UBE3C: variants seen among roughly 807,000 people sequenced by gnomAD.
UBE3C encodes ubiquitin protein ligase E3C, also known as ubiquitin-protein ligase E3C.
A neutral mutation model predicts 129.4 loss-of-function variants in UBE3C; 42 were observed. That is an observed-to-expected ratio of 0.32 (90% confidence interval 0.25 to 0.42). UBE3C has a LOEUF of 0.42. Ranked by LOEUF, UBE3C falls within the 10% of genes least tolerant of loss-of-function variation. UBE3C has a pLI of 1.00. For synonymous variants in UBE3C, 510 were observed against 492.4 expected (o/e 1.04, Z -0.47); for missense variants, 1,049 against 1,319.1 (o/e 0.80, Z 3.17).
intron 11 of UBE3C, among the ~76,000 whole-genome samples, chr7:157,204,932 C>T (rs1312762098): frequency 6.6e-6 from 1 of 152,174 alleles, no homozygotes; most frequent in Non-Finnish European, 1.5e-5. Context: ...AGGAGTGGTT[C>T]CCACAGGCAC....
chr7:157,178,706 AATG>A lies in UBE3C; in HGVS notation c.480_482del (p.Asp161del), dbSNP rs1293510740. 9 of 1,614,060 alleles carry A rather than the reference AATG, an allele frequency of 5.6e-6. No homozygotes were observed. The highest frequency in any genetic ancestry group is 1.1e-5 in the South Asian group (1 of 91,070). On this transcript the variant is annotated inframe_deletion, in exon 6 of 23. Coordinates refer to ENST00000348165, the MANE Select transcript of UBE3C (RefSeq NM_014671.3). ...TTTTTACAGGTTGCTGCAAAACTGTAATGATGACAGTTTGAATGTTGCACTTCC... is the reference window on the plus strand; with the variant it reads ...TTTTTACAGGTTGCTGCAAAACTGTAATGACAGTTTGAATGTTGCACTTCC...
chr7:157,259,489 A>C (rs1796841502), intron 22 of UBE3C, among the ~76,000 whole-genome samples: 1 of 152,224 alleles, frequency 6.6e-6, no homozygotes, highest in South Asian at 2.1e-4. Flanking sequence ...CCAAAAACGA[A>C]ATAATTCACA....
chr7:157,185,787 C>A (rs1808788091), intron 9 of UBE3C, among the ~76,000 whole-genome samples: 1 of 152,070 alleles, frequency 6.6e-6, no homozygotes, highest in Non-Finnish European at 1.5e-5. Flanking sequence ...CTTTCTCATT[C>A]TGATGTACTT....
chr7:157,162,127 GTA>G (rs1239632440), intron 1 of UBE3C, among the ~76,000 whole-genome samples: 1 of 152,102 alleles, frequency 6.6e-6, no homozygotes, highest in African/African-American at 2.4e-5. Context: ...ATGTATCAGT[GTA>G]TAATTTTAAG....
intron 19 of UBE3C, among the ~76,000 whole-genome samples, chr7:157,253,459 C>A (rs1192951982): frequency 2.6e-5 from 4 of 152,214 alleles, no homozygotes; most frequent in African/African-American, 4.8e-5. Context: ...GTTACCACCA[C>A]CCTTTGTATC....
intron 4 of UBE3C, 152 bp downstream of exon 4, chr7:157,170,602 G>T: frequency 1.3e-6 from 1 of 760,958 alleles, no homozygotes; most frequent in Non-Finnish European, 1.9e-6. Flanking sequence ...GGTTACCTAT[G>T]TGGTGATGTG....
intron 4 of UBE3C, among the ~76,000 whole-genome samples, chr7:157,171,686 A>ATAT (rs1563039077): frequency 2.7e-5 from 1 of 37,628 alleles, no homozygotes; most frequent in South Asian, 1.0e-3. Flanking sequence ...ATATATATAT[A>ATAT]TTTTTTTTTT....
At chr7:157,204,824 A>G (rs1424387042) in intron 11 of UBE3C, among the ~76,000 whole-genome samples, 1 of 152,228 alleles carries the variant, frequency 6.6e-6, no homozygotes, top group Non-Finnish European at 1.5e-5. Flanking sequence ...TTGATAAATA[A>G]TCTCAAAACA....
At chr7:157,226,114 T>C (rs1795871441) in intron 17 of UBE3C, among the ~76,000 whole-genome samples, 1 of 152,238 alleles carries the variant, frequency 6.6e-6, no homozygotes, top group Admixed American at 6.5e-5. Context: ...AAATTTAGTT[T>C]GCAAGCTGTT....
chr7:157,170,052 T>C (rs932133950), intron 3 of UBE3C, among the ~76,000 whole-genome samples: 1 of 151,682 alleles, frequency 6.6e-6, no homozygotes, highest in Non-Finnish European at 1.5e-5. Flanking sequence ...ACTCCTGACC[T>C]CAGGTGATCC....
intron 22 of UBE3C, 80 bp from the exon 23 acceptor site, chr7:157,267,505 A>G (rs1279131874): frequency 1.3e-6 from 2 of 1,523,676 alleles, no homozygotes; most frequent in East Asian, 4.6e-5. Flanking sequence ...TGGAGCAGGC[A>G]CATTTTGTGT....
At chr7:157,236,448 G>T (rs570976111) in intron 18 of UBE3C, among the ~76,000 whole-genome samples, 2 of 152,138 alleles carry the variant, frequency 1.3e-5, no homozygotes, top group African/African-American at 4.8e-5. Flanking sequence ...CAATTAGATT[G>T]TATAACTTTG....
intron 13 of UBE3C, among the ~76,000 whole-genome samples, chr7:157,212,851 A>G (rs1466340010): frequency 2.0e-5 from 3 of 151,986 alleles, no homozygotes; most frequent in East Asian, 1.9e-4. Context: ...TCCACCCCCC[A>G]GGCTCAAGTG....
intron 18 of UBE3C, 61 bp from the exon 19 acceptor site, chr7:157,248,307 C>A: frequency 7.1e-7 from 1 of 1,413,290 alleles, no homozygotes; most frequent in Non-Finnish European, 9.9e-7. Context: ...GAGCATATGG[C>A]TCTTTGTTTG....
At chr7:157,227,185 G>A (rs968719248) in intron 17 of UBE3C, among the ~76,000 whole-genome samples, 8 of 152,064 alleles carry the variant, frequency 5.3e-5, no homozygotes, top group Admixed American at 3.3e-4. Context: ...GCCAATGATC[G>A]TGTAGTGTTT....
chr7:157,250,244 T>C (rs1182382), intron 19 of UBE3C, among the ~76,000 whole-genome samples: 145,315 of 152,210 alleles, frequency 0.95, 69,430 homozygotes, highest in East Asian at 0.99. Context: ...GAGACGGGGT[T>C]TCACTCTGTC....
chr7:157,203,622 CATG>C (rs1183849968), intron 11 of UBE3C, among the ~76,000 whole-genome samples: 1 of 152,086 alleles, frequency 6.6e-6, no homozygotes, highest in Non-Finnish European at 1.5e-5. Flanking sequence ...GAAATGGAGT[CATG>C]GTGTGTGAAA....
At chr7:157,162,918 ATT>A (rs1163389200) in intron 1 of UBE3C, among the ~76,000 whole-genome samples, 1 of 152,082 alleles carries the variant, frequency 6.6e-6, no homozygotes, top group Non-Finnish European at 1.5e-5. Flanking sequence ...CTGTTTAAGT[ATT>A]TTTCATTTAT....
intron 8 of UBE3C, 93 bp from the exon 9 acceptor site, chr7:157,183,785 C>A: frequency 1.4e-6 from 2 of 1,424,906 alleles, no homozygotes; most frequent in South Asian, 1.4e-5. Context: ...GTCAGAAATG[C>A]CTCTCTGCGT....
Sources: allele counts gnomAD v4.1 joint callset (sites outside exome capture counted in the v4.1 genomes callset), GRCh38; gene constraint gnomAD v4.1.1; transcripts MANE v1.5; gene names NCBI Gene and HGNC (gene_info 2026-07-23, HGNC 2026-07-21).